TECPR2: variants seen among roughly 807,000 people sequenced by gnomAD.
TECPR2 encodes the protein tectonin beta-propeller repeat-containing protein 2.
A neutral mutation model predicts 138.1 loss-of-function variants in TECPR2; 65 were observed. The ratio of observed to expected loss-of-function variants is 0.47; its 90% CI spans 0.39 to 0.58. TECPR2 has a LOEUF of 0.58. TECPR2 is among the 20% of genes least tolerant of loss of function. The pLI is 0.00. For synonymous variants in TECPR2, 746 were observed against 749.8 expected (o/e 0.99, Z 0.08); for missense variants, 1,553 against 1,824.5 (o/e 0.85, Z 2.71).
At position 102,445,957 on chromosome 14, in the gene TECPR2, C is replaced by T; in HGVS notation, c.3075+10C>T. 1 of 1,608,414 alleles carries T rather than the reference C, an allele frequency of 6.2e-7. No individual in the cohort carries two copies. The highest frequency in any genetic ancestry group is 1.1e-5 in the South Asian group (1 of 90,676). On this transcript the variant is annotated intron_variant, in intron 13 of 19. Transcript: ENST00000359520. ...CGACCATTGGTGGCAAGTAGGTGTT[C>T]AGCTCTGCGCCACGTGCCGAGGTCT...
At chr14:102,388,202 A>T (rs1251142899) in intron 2 of TECPR2, among the ~76,000 whole-genome samples, 1 of 152,170 alleles carries the variant, frequency 6.6e-6, no homozygotes, top group Non-Finnish European at 1.5e-5. Context: ...GTTTGTTGAT[A>T]ACATTACCAT....
intron 9 of TECPR2, 139 bp downstream of exon 9, chr14:102,435,350 G>A: frequency 7.6e-7 from 1 of 1,308,408 alleles, no homozygotes; most frequent in African/African-American, 1.5e-5. Flanking sequence ...CTGTTTTCAA[G>A]TCTGGGTTTC....
At chr14:102,457,869 C>CT (rs748372168) in intron 16 of TECPR2, among the ~76,000 whole-genome samples, 1,501 of 102,692 alleles carry the variant, frequency 0.015, 61 homozygotes, top group African/African-American at 0.029. Context: ...ACTAAATTCC[C>CT]TTTTTTTTTT....
rs10142094 is a variant in TECPR2, at chr14:102,466,420, T to C, written c.3789+1131T>C. 5.0e-3 allele frequency among the ~76,000 whole-genome samples: 760 copies of C among 152,320 alleles called. 8 individuals carry two copies. The highest frequency in any genetic ancestry group is 0.017 in the African/African-American group (707 of 41,550). ...TATAACACATGCTCTGTTTTCCCTC[T>C]GCACACGGTGACGTACTCATAGTGG... is the stretch of plus-strand genomic sequence containing the variant. On this transcript the variant is annotated intron_variant, in intron 17 of 19. Coordinates refer to ENST00000359520, the MANE Select transcript of TECPR2 (RefSeq NM_014844.5).
chr14:102,421,406 A>G (rs888490251), intron 5 of TECPR2, among the ~76,000 whole-genome samples: 10 of 152,214 alleles, frequency 6.6e-5, no homozygotes, highest in Admixed American at 6.5e-4. Context: ...GCTGAATTTG[A>G]TATATAATAT....
In TECPR2 at chr14:102,498,142, G is replaced by C. The variant is rs1433866767; in HGVS notation, c.4121G>C (p.Gly1374Ala). ...GAGCTGTGGGCTGTGGGCCCGCCCG[G>C]CTACCTCCTCCAACGGCTGACAAAG... ...SDELWAVGPP[G>A]YLLQRLTKTF... The change falls in exon 20 of 20, where the codon GGC becomes GCC. Residue 1374 changes from glycine (G) to alanine (A), a missense_variant. Coordinates refer to ENST00000359520, the MANE Select transcript of TECPR2 (RefSeq NM_014844.5). 4 of 1,613,242 alleles carry C rather than the reference G, an allele frequency of 2.5e-6. No homozygotes were observed. In the South Asian group the frequency reaches 4.4e-5, roughly 18 times the overall value.
intron 17 of TECPR2, among the ~76,000 whole-genome samples, chr14:102,496,082 G>A (rs534028283): frequency 9.8e-5 from 15 of 152,362 alleles, no homozygotes; most frequent in Admixed American, 7.8e-4. Context: ...TGGCGGCAGC[G>A]AGGGATCTGC....
At position 102,438,009 on chromosome 14, in the gene TECPR2, C is replaced by G. The variant is rs755777893; in HGVS notation, c.2395-13C>G. 6.2e-7 allele frequency: 1 copy of G among 1,612,178 alleles called. No individual in the cohort carries two copies. The highest frequency in any genetic ancestry group is 1.7e-5 in the Admixed American group (1 of 59,746). The stretch of plus-strand genomic sequence containing the variant: ...TCCTCTGCCACAGAACTCACTGGCT[C>G]TTCCCTTGTTAGTTTGCAGAAAGCT... On this transcript the variant is annotated splice_polypyrimidine_tract_variant and intron_variant, in intron 9 of 19. Coordinates refer to ENST00000359520, the MANE Select transcript of TECPR2 (RefSeq NM_014844.5).
intron 6 of TECPR2, 75 bp from the exon 7 acceptor site, chr14:102,428,175 C>G (rs1889375551): frequency 1.4e-6 from 2 of 1,446,856 alleles, no homozygotes; most frequent in Non-Finnish European, 1.8e-6. Flanking sequence ...CTCACACATG[C>G]ATTTTTATGC....
At chr14:102,490,169 G>A (rs1367167498) in intron 17 of TECPR2, among the ~76,000 whole-genome samples, 1 of 152,194 alleles carries the variant, frequency 6.6e-6, no homozygotes, top group Admixed American at 6.5e-5. Flanking sequence ...TGAGCAAACA[G>A]TGGAATTCCC....
At chr14:102,497,416 T>G in intron 18 of TECPR2, 154 bp from the exon 19 acceptor site, 1 of 1,152,446 alleles carries the variant, frequency 8.7e-7, no homozygotes, top group Non-Finnish European at 1.2e-6. Context: ...GGTCGTCCTT[T>G]CCCTCGGCTC....
intron 2 of TECPR2, among the ~76,000 whole-genome samples, chr14:102,403,118 T>C (rs1207000458): frequency 6.6e-6 from 1 of 152,148 alleles, no homozygotes; most frequent in Non-Finnish European, 1.5e-5. Context: ...CTCATGAACA[T>C]TGATGCAAAA....
At chr14:102,463,281 G>A (rs879386654) in intron 16 of TECPR2, among the ~76,000 whole-genome samples, 3 of 151,980 alleles carry the variant, frequency 2.0e-5, no homozygotes, top group Non-Finnish European at 2.9e-5. Context: ...GCTGGACGTG[G>A]TGGCAGGTGC....
chr14:102,429,052 G>T (rs1268834417), intron 7 of TECPR2, among the ~76,000 whole-genome samples: 1 of 152,100 alleles, frequency 6.6e-6, no homozygotes, highest in African/African-American at 2.4e-5. Context: ...TCTCCATGTT[G>T]GTCAGGCAGG....
chr14:102,381,047 A>C (rs1225098823), intron 2 of TECPR2, among the ~76,000 whole-genome samples: 1 of 130,412 alleles, frequency 7.7e-6, no homozygotes, highest in African/African-American at 3.0e-5. Flanking sequence ...TGCAACCTCC[A>C]CCTCCTGGGT....
intron 5 of TECPR2, among the ~76,000 whole-genome samples, chr14:102,416,647 A>G (rs528697197): frequency 6.6e-6 from 1 of 152,310 alleles, no homozygotes; most frequent in East Asian, 1.9e-4. Flanking sequence ...ATTGAAAACC[A>G]ATTACTTTAC....
chr14:102,470,307 A>AT (rs36013716), intron 17 of TECPR2, among the ~76,000 whole-genome samples: 450 of 142,270 alleles, frequency 3.2e-3, no homozygotes, highest in Non-Finnish European at 3.6e-3. Context: ...TCTATTCAGA[A>AT]TTTTTTTTTT....
chr14:102,492,349 G>A (rs1408907007), intron 17 of TECPR2, among the ~76,000 whole-genome samples: 1 of 152,208 alleles, frequency 6.6e-6, no homozygotes, highest in East Asian at 1.9e-4. Flanking sequence ...CCCAGGCCCT[G>A]GTGTCAGGAG....
Position 102,499,010 on chromosome 14 carries a change from G to A in TECPR2, c.*753G>A, listed in dbSNP as rs954861956. On this transcript the variant is annotated 3_prime_UTR_variant, in exon 20 of 20. Transcript: ENST00000359520. Reference sequence around the variant, plus strand: ...ACACCGCACTGCACCGCACCGCACCGCACCGTACCTCGCCACATCTCACCA... The same window carrying A: ...ACACCGCACTGCACCGCACCGCACCACACCGTACCTCGCCACATCTCACCA... 11 of 696,506 alleles carry A rather than the reference G, an allele frequency of 1.6e-5. No individual in the cohort carries two copies. Among genetic ancestry groups the A allele is most frequent in the East Asian group, 2.7e-5 (1 of 36,724 alleles). The allele number at this position is 696,506 out of a possible 1,614,324, so 43.1% of individuals were successfully genotyped here.
Sources: gnomAD v4.1 joint callset for allele counts (sites outside exome capture counted in the v4.1 genomes callset) on GRCh38, gnomAD v4.1.1 for gene constraint, MANE v1.5 for transcripts, NCBI Gene and HGNC (gene_info 2026-07-23, HGNC 2026-07-21) for gene names.